SPAG16: variants seen among roughly 807,000 people sequenced by gnomAD.
SPAG16 encodes sperm associated antigen 16.
Under a neutral mutation model 80.4 loss-of-function variants are expected in SPAG16, and 86 were observed. The observed-to-expected ratio is 1.07, with a 90% CI of 0.90 to 1.28. The LOEUF (loss-of-function observed/expected upper bound fraction) is 1.28, where lower values mean the gene tolerates loss of function less well. Among genes scored for constraint, SPAG16 ranks in the 50% most tolerant of loss-of-function variants. The pLI, the probability that SPAG16 is intolerant of heterozygous loss-of-function variation, is 0.00. For missense variants in SPAG16, 870 were observed against 765.3 expected (o/e 1.14, Z -1.61); for synonymous variants, 294 against 265.9 (o/e 1.11, Z -1.03).
At chr2:214,393,834 G>A (rs189694048) in intron 15 of SPAG16, among the ~76,000 whole-genome samples, 1 of 152,200 alleles carries the variant, frequency 6.6e-6, no homozygotes, top group East Asian at 1.9e-4. Flanking sequence ...TGTTTTGAAG[G>A]GTGAATATTG....
At chr2:213,396,421 A>G (rs185313994) in intron 9 of SPAG16, among the ~76,000 whole-genome samples, 50 of 152,300 alleles carry the variant, frequency 3.3e-4, no homozygotes, top group African/African-American at 1.2e-3. Context: ...TGTTTTTGTT[A>G]AATATAATTC....
chr2:214,364,345 C>T (rs759775276), intron 15 of SPAG16, among the ~76,000 whole-genome samples: 33 of 152,070 alleles, frequency 2.2e-4, no homozygotes, highest in Admixed American at 5.2e-4. Context: ...GCTCAAGTCA[C>T]GCTTTCTCCT....
intron 11 of SPAG16, among the ~76,000 whole-genome samples, chr2:213,869,241 T>G (rs10188751): frequency 0.59 from 72,612 of 123,014 alleles, 22,699 homozygotes; most frequent in South Asian, 0.84. Flanking sequence ...CAACAAGAGC[T>G]AAAGTCCATG....
At position 214,317,282 on chromosome 2, in the gene SPAG16, T is replaced by C. The variant is rs112416767; in HGVS notation, c.1721-92858T>C. ...AAGTCTTCTGACTTCCGGCCTAATG[T>C]TCTTTCCACTTCATTTTACTGCCAC... On this transcript the variant is annotated intron_variant, in intron 15 of 15. Coordinates refer to ENST00000331683, the MANE Select transcript of SPAG16 (RefSeq NM_024532.5). Among the ~76,000 whole-genome samples, 90 of 152,360 alleles carry C rather than the reference T, an allele frequency of 5.9e-4. 1 individual carries two copies. The Middle Eastern group carries it at 0.01, about 17-fold the overall frequency.
At chr2:214,038,639 C>A (rs1381511432) in intron 13 of SPAG16, among the ~76,000 whole-genome samples, 2 of 151,694 alleles carry the variant, frequency 1.3e-5, no homozygotes, top group African/African-American at 4.8e-5. Flanking sequence ...TGTGCTGCAC[C>A]CAGTAACTGG....
intron 10 of SPAG16, among the ~76,000 whole-genome samples, chr2:213,715,417 T>A (rs10179417): frequency 0.06 from 9,078 of 152,202 alleles, 377 homozygotes; most frequent in African/African-American, 0.11. Context: ...TCAAATTAGA[T>A]AATTCGTGAC....
intron 15 of SPAG16, among the ~76,000 whole-genome samples, chr2:214,319,720 T>C (rs1695968394): frequency 6.6e-6 from 1 of 152,166 alleles, no homozygotes; most frequent in Non-Finnish European, 1.5e-5. Context: ...TCCTCACATC[T>C]CATATTTGTA....
intron 9 of SPAG16, among the ~76,000 whole-genome samples, chr2:213,392,644 A>C (rs1231849557): frequency 6.6e-6 from 1 of 152,150 alleles, no homozygotes; most frequent in East Asian, 1.9e-4. Flanking sequence ...CAGGAGTTCA[A>C]GAATAGCCTG....
intron 10 of SPAG16, among the ~76,000 whole-genome samples, chr2:213,521,254 C>T (rs947408954): frequency 1.3e-5 from 2 of 152,172 alleles, no homozygotes; most frequent in African/African-American, 4.8e-5. Flanking sequence ...CTACTGGAAC[C>T]ATGCTGATTT....
At chr2:213,883,560 C>T (rs1013198607) in intron 11 of SPAG16, among the ~76,000 whole-genome samples, 6 of 152,080 alleles carry the variant, frequency 3.9e-5, no homozygotes, top group Non-Finnish European at 7.4e-5. Flanking sequence ...GGCCAGAGTT[C>T]CTTTGTTAGT....
chr2:213,888,109 T>G (rs1559554434), intron 11 of SPAG16, among the ~76,000 whole-genome samples: 2 of 151,982 alleles, frequency 1.3e-5, no homozygotes, highest in Non-Finnish European at 2.9e-5. Context: ...GAGCAAGAAC[T>G]GTGGATGCTT....
chr2:214,163,301 T>C (rs1326625486), intron 15 of SPAG16, among the ~76,000 whole-genome samples: 1 of 152,016 alleles, frequency 6.6e-6, no homozygotes, highest in African/African-American at 2.4e-5. Flanking sequence ...ATTTTCCAAG[T>C]AATCTTTTCC....
chr2:213,899,765 C>G (rs1341568822), intron 11 of SPAG16, among the ~76,000 whole-genome samples: 1 of 152,034 alleles, frequency 6.6e-6, no homozygotes, highest in African/African-American at 2.4e-5. Context: ...TGTGCAATAA[C>G]TGAAAAAATC....
chr2:213,473,690 T>A (rs2073213618), intron 9 of SPAG16, among the ~76,000 whole-genome samples: 2 of 152,224 alleles, frequency 1.3e-5, no homozygotes, highest in Admixed American at 1.3e-4. Context: ...CCCTACTTAG[T>A]GGGCCCAAAT....
At chr2:213,837,644 A>C (rs2074156909) in intron 10 of SPAG16, among the ~76,000 whole-genome samples, 1 of 152,250 alleles carries the variant, frequency 6.6e-6, no homozygotes, top group South Asian at 2.1e-4. Flanking sequence ...AGGCAGAATA[A>C]TGCACCCCAG....
chr2:213,742,136 A>ATT (rs11381205), intron 10 of SPAG16, among the ~76,000 whole-genome samples: 186 of 148,388 alleles, frequency 1.3e-3, no homozygotes, highest in African/African-American at 3.4e-3. Context: ...TGTGTTTAGT[A>ATT]TTTTTTTTTT....
chr2:214,167,958 T>C (rs961148180), intron 15 of SPAG16, among the ~76,000 whole-genome samples: 1 of 151,064 alleles, frequency 6.6e-6, no homozygotes, highest in African/African-American at 2.4e-5. Flanking sequence ...CTTTTCTTTT[T>C]CTTTTTTTCT....
At chr2:213,732,330 G>GCT (rs2067085418) in intron 10 of SPAG16, among the ~76,000 whole-genome samples, 1 of 80,554 alleles carries the variant, frequency 1.2e-5, no homozygotes, top group African/African-American at 3.5e-5. Context: ...ATTCACGATT[G>GCT]CCCCCCCCGC....
chr2:214,059,222 GTA>G (rs34244219), intron 13 of SPAG16, among the ~76,000 whole-genome samples: 30,816 of 121,428 alleles, frequency 0.25, 4,250 homozygotes, highest in Middle Eastern at 0.34. Flanking sequence ...ATATGTATGT[GTA>G]TATATATATA....
Sources: gnomAD v4.1 joint callset for allele counts (sites outside exome capture counted in the v4.1 genomes callset) on GRCh38, gnomAD v4.1.1 for gene constraint, MANE v1.5 for transcripts, NCBI Gene and HGNC (gene_info 2026-07-23, HGNC 2026-07-21) for gene names.